The following UBE2H variants were observed in gnomAD, a reference collection of about 807,000 sequenced individuals.
UBE2H encodes the protein ubiquitin-conjugating enzyme E2 H.
In UBE2H, 3 loss-of-function variants were observed where a neutral mutation model predicts 29.0. The observed-to-expected ratio is 0.10, with a 90% CI of 0.05 to 0.27. The LOEUF (loss-of-function observed/expected upper bound fraction) is 0.27. UBE2H is among the 10% of genes least tolerant of loss of function. UBE2H has a pLI of 1.00. For missense variants in UBE2H, 68 were observed against 228.2 expected (o/e 0.30, Z 4.52); for synonymous variants, 69 against 82.9 (o/e 0.83, Z 0.91).
At chr7:129,878,842 C>A in intron 3 of UBE2H, among the ~76,000 whole-genome samples, 2 of 128,332 alleles carry the variant, frequency 1.6e-5, no homozygotes, top group African/African-American at 3.0e-5. Flanking sequence ...ATATTTTAGA[C>A]ATGTATAAAG....
intron 3 of UBE2H, among the ~76,000 whole-genome samples, chr7:129,871,534 G>C (rs1198076495): frequency 2.6e-5 from 4 of 152,190 alleles, no homozygotes; most frequent in Admixed American, 2.0e-4. Flanking sequence ...GGGCAACATG[G>C]TGAAACCCCA....
At chr7:129,841,982 A>C (rs895503907) in intron 5 of UBE2H, among the ~76,000 whole-genome samples, 1 of 152,256 alleles carries the variant, frequency 6.6e-6, no homozygotes, top group Non-Finnish European at 1.5e-5. Context: ...AAAAATGCTT[A>C]TACTTGAATG....
At chr7:129,912,717 T>G (rs1806961875) in intron 1 of UBE2H, among the ~76,000 whole-genome samples, 1 of 152,224 alleles carries the variant, frequency 6.6e-6, no homozygotes, top group South Asian at 2.1e-4. Flanking sequence ...CACAACCTGT[T>G]TTTGGCCCTT....
chr7:129,833,326 C>T lies in UBE2H; in HGVS notation c.*1611G>A, dbSNP rs972518969. ...ACAGCACTTCTAAACTAAAAACACA[C>T]GTCAAAAAGAAAAATTAAATAATCC... On this transcript the variant is annotated 3_prime_UTR_variant, in exon 7 of 7. Coordinates refer to ENST00000355621, the MANE Select transcript of UBE2H (RefSeq NM_003344.4). The T allele has an allele frequency of 3.9e-5, 6 of 152,622 alleles. No individual in the cohort carries two copies. The highest frequency in any genetic ancestry group is 7.4e-5 in the Non-Finnish European group (5 of 68,018). The allele number at this position is 152,622 out of a possible 1,614,324, so 9.5% of individuals were successfully genotyped here.
intron 3 of UBE2H, among the ~76,000 whole-genome samples, chr7:129,859,895 CAT>C (rs572580587): frequency 5.6e-5 from 6 of 108,006 alleles, no homozygotes; most frequent in African/African-American, 9.7e-5. Context: ...CTCTCTCTCT[CAT>C]ATTCATTCAG....
intron 1 of UBE2H, among the ~76,000 whole-genome samples, chr7:129,922,796 C>T (rs1807189588): frequency 6.6e-6 from 1 of 152,136 alleles, no homozygotes; most frequent in African/African-American, 2.4e-5. Context: ...CTATATTGCC[C>T]AGACTGACTT....
chr7:129,909,912 G>A (rs1161123407), intron 1 of UBE2H, among the ~76,000 whole-genome samples: 4 of 152,182 alleles, frequency 2.6e-5, no homozygotes, highest in Non-Finnish European at 4.4e-5. Flanking sequence ...AGTGGTCTGA[G>A]GGGAAAACAA....
At chr7:129,844,929 C>T (rs117741296) in intron 5 of UBE2H, among the ~76,000 whole-genome samples, 1 of 152,264 alleles carries the variant, frequency 6.6e-6, no homozygotes, top group African/African-American at 2.4e-5. Context: ...AGGAGTTTCA[C>T]ACCAGCCTGG....
intron 1 of UBE2H, among the ~76,000 whole-genome samples, chr7:129,923,033 T>G (rs1807196305): frequency 6.6e-6 from 1 of 152,136 alleles, no homozygotes; most frequent in Non-Finnish European, 1.5e-5. Context: ...TCAGAGTAGC[T>G]GGGATTACAG....
At chr7:129,880,846 C>A (rs1387086671) in intron 2 of UBE2H, 49 bp downstream of exon 2, 6 of 1,513,338 alleles carry the variant, frequency 4.0e-6, no homozygotes, top group Non-Finnish European at 5.4e-6. Flanking sequence ...TATTAAGAAA[C>A]AGAGTAAAAG....
At chr7:129,880,806 T>C in intron 2 of UBE2H, 89 bp downstream of exon 2, 1 of 1,212,538 alleles carries the variant, frequency 8.2e-7, no homozygotes, top group Non-Finnish European at 1.2e-6. Context: ...TTTCAGAAAC[T>C]ACGCATGCTA....
At chr7:129,917,182 G>C (rs996252907) in intron 1 of UBE2H, among the ~76,000 whole-genome samples, 1 of 152,176 alleles carries the variant, frequency 6.6e-6, no homozygotes, top group Non-Finnish European at 1.5e-5. Context: ...AACAAAGCGA[G>C]ACTCCGTCTC....
intron 1 of UBE2H, among the ~76,000 whole-genome samples, chr7:129,939,817 G>A (rs2116514317): frequency 6.6e-6 from 1 of 152,106 alleles, no homozygotes; most frequent in Admixed American, 6.6e-5. Context: ...AAATTAGCCG[G>A]GCATGGTGGC....
chr7:129,926,570 G>C (rs1356425749), intron 1 of UBE2H, among the ~76,000 whole-genome samples: 1 of 151,662 alleles, frequency 6.6e-6, no homozygotes, highest in African/African-American at 2.4e-5. Flanking sequence ...TCAGCCTCCT[G>C]AGTCGCTGAA....
At chr7:129,926,860 T>C (rs754125230) in intron 1 of UBE2H, among the ~76,000 whole-genome samples, 1 of 152,174 alleles carries the variant, frequency 6.6e-6, no homozygotes, top group Non-Finnish European at 1.5e-5. Flanking sequence ...GCAGCCCACA[T>C]AATCTTGGTC....
chr7:129,865,443 T>A (rs1239786006), intron 3 of UBE2H, among the ~76,000 whole-genome samples: 1 of 152,186 alleles, frequency 6.6e-6, no homozygotes, highest in Non-Finnish European at 1.5e-5. Context: ...TGATCAAATT[T>A]GTGGGTAGAT....
At chr7:129,944,740 ACACACACACACG>A (rs1197633033) in intron 1 of UBE2H, among the ~76,000 whole-genome samples, 1,679 of 142,614 alleles carry the variant, frequency 0.012, 8 homozygotes, top group Middle Eastern at 0.024. Context: ...ACACACACAC[ACACACACACACG>A]CACGCACGCA....
intron 3 of UBE2H, among the ~76,000 whole-genome samples, chr7:129,859,150 C>A (rs1805756768): frequency 6.6e-6 from 1 of 152,176 alleles, no homozygotes; most frequent in African/African-American, 2.4e-5. Context: ...AACAAATGAG[C>A]AAACTGGGAG....
intron 5 of UBE2H, among the ~76,000 whole-genome samples, chr7:129,855,126 C>T (rs1805681634): frequency 6.6e-6 from 1 of 152,182 alleles, no homozygotes; most frequent in Admixed American, 6.5e-5. Context: ...TTAAAAACTA[C>T]TGAATTACAC....
Sources: allele counts gnomAD v4.1 joint callset (sites outside exome capture counted in the v4.1 genomes callset), GRCh38; gene constraint gnomAD v4.1.1; transcripts MANE v1.5; gene names NCBI Gene and HGNC (gene_info 2026-07-23, HGNC 2026-07-21).